The following SUCLA2 variants were observed in gnomAD, a reference collection of about 807,000 sequenced individuals.
SUCLA2 encodes the protein succinate-CoA ligase ADP-forming subunit beta.
SUCLA2 carries 30 observed loss-of-function variants against 54.8 expected under a neutral mutation model. That is an observed-to-expected ratio of 0.55 (90% CI 0.41 to 0.74). The LOEUF (loss-of-function observed/expected upper bound fraction) is 0.74. Among genes scored for constraint, SUCLA2 ranks in the 30% least tolerant of loss-of-function variants. SUCLA2 has a pLI of 0.00. For missense variants in SUCLA2, 476 were observed against 562.9 expected (o/e 0.85, Z 1.56); for synonymous variants, 172 against 188.9 (o/e 0.91, Z 0.74).
Position 47,996,897 on chromosome 13 carries a change from T to C in SUCLA2, c.217A>G (p.Lys73Glu), listed in dbSNP as rs796052048. The change falls in exon 2 of 11, where the codon AAA becomes GAA. Residue 73 changes from lysine (K) to glutamate (E), a missense_variant. By Grantham distance (56) the Lys-to-Glu change is moderately conservative. Coordinates refer to ENST00000646932, the MANE Select transcript of SUCLA2 (RefSeq NM_003850.3). ...LLQEAGVSVP[K>E]GYVAKSPDEA... ...TCTGGTGACTTTGCCACATATCCTT[T>C]GGGAACGGAGACACCAGCTTCTTGC... 43 of 1,613,892 alleles carry C rather than the reference T, an allele frequency of 2.7e-5. No homozygotes were observed. The highest frequency in any genetic ancestry group is 3.6e-5 in the Non-Finnish European group (42 of 1,179,934).
intron 4 of SUCLA2, among the ~76,000 whole-genome samples, chr13:47,976,394 T>C (rs995400870): frequency 1.3e-5 from 2 of 152,030 alleles, no homozygotes; most frequent in African/African-American, 4.8e-5. Context: ...ACTAACATAG[T>C]TTGGGATTAA....
At chr13:47,989,876 A>G (rs1019537793) in intron 2 of SUCLA2, among the ~76,000 whole-genome samples, 1 of 152,262 alleles carries the variant, frequency 6.6e-6, no homozygotes, top group Non-Finnish European at 1.5e-5. Flanking sequence ...ATCTGTATCA[A>G]AAGATTTCAG....
At chr13:47,959,834 A>C (rs770198601) in intron 6 of SUCLA2, among the ~76,000 whole-genome samples, 2 of 152,218 alleles carry the variant, frequency 1.3e-5, no homozygotes, top group Non-Finnish European at 2.9e-5. Flanking sequence ...GAAATGCATC[A>C]GCAATTTAGC....
In SUCLA2 at chr13:47,956,631, G is replaced by T. The variant is rs1285738591; in HGVS notation, c.803-2074C>A. On this transcript the variant is annotated intron_variant, in intron 6 of 10. Coordinates refer to ENST00000646932, the MANE Select transcript of SUCLA2 (RefSeq NM_003850.3). The stretch of plus-strand genomic sequence containing the variant: ...AGAAAGTTCTTCAGGCTCAAGGGAT[G>T]TAACGTGGAAATCTGAATCTAAAGT... Among the ~76,000 whole-genome samples, 5 of 152,208 alleles carry T rather than the reference G, an allele frequency of 3.3e-5. No individual in the cohort carries two copies. In the South Asian group the frequency reaches 1.0e-3, roughly 32 times the overall value.
intron 1 of SUCLA2, among the ~76,000 whole-genome samples, chr13:47,997,492 G>A (rs576764818): frequency 3.3e-5 from 5 of 152,154 alleles, no homozygotes; most frequent in Non-Finnish European, 4.4e-5. Context: ...TTCATCTGTA[G>A]TGGATGTTGC....
chr13:47,975,866 A>G (rs1950007867), intron 4 of SUCLA2, among the ~76,000 whole-genome samples: 1 of 152,202 alleles, frequency 6.6e-6, no homozygotes, highest in South Asian at 2.1e-4. Context: ...CAATGTGATT[A>G]GAGGTTTGGG....
intron 4 of SUCLA2, among the ~76,000 whole-genome samples, chr13:47,977,604 T>C (rs774291703): frequency 4.6e-5 from 7 of 152,066 alleles, no homozygotes; most frequent in Admixed American, 4.6e-4. Flanking sequence ...ACTCCTAGAA[T>C]ACAAGGATGG....
At chr13:47,963,125 T>G (rs1949885638) in intron 6 of SUCLA2, among the ~76,000 whole-genome samples, 1 of 152,200 alleles carries the variant, frequency 6.6e-6, no homozygotes, top group Non-Finnish European at 1.5e-5. Flanking sequence ...AAACCCTTCT[T>G]CTTTGGCAAT....
intron 1 of SUCLA2, among the ~76,000 whole-genome samples, chr13:48,000,137 G>GAAAA (rs10714629): frequency 1.2e-4 from 11 of 94,188 alleles, no homozygotes; most frequent in South Asian, 6.0e-4. Flanking sequence ...CAATAAAAAT[G>GAAAA]AAAAAAAAAA....
chr13:47,980,648 A>AG (rs1264100647), intron 4 of SUCLA2, among the ~76,000 whole-genome samples: 3 of 152,008 alleles, frequency 2.0e-5, no homozygotes, highest in East Asian at 3.8e-4. Context: ...AACAATCTCG[A>AG]GAAAAAAAAA....
intron 4 of SUCLA2, among the ~76,000 whole-genome samples, chr13:47,986,615 C>T (rs757436368): frequency 6.6e-6 from 1 of 152,100 alleles, no homozygotes; most frequent in Non-Finnish European, 1.5e-5. Context: ...TGAATCTTTG[C>T]CCGCGCCTAT....
At position 47,988,536 on chromosome 13, in the gene SUCLA2, C is replaced by T. The variant is rs1301467058; in HGVS notation, c.534+5G>A. The T allele has an allele frequency of 1.2e-6, 2 of 1,613,468 alleles. No individual in the cohort carries two copies. Among genetic ancestry groups the T allele is most frequent in the African/African-American group, 1.3e-5 (1 of 74,920 alleles). ...CCCGTATGTATCATGTCTACAATTA[C>T]TCACTTGAAATGACCTTTCCATTGT... On this transcript the variant is annotated splice_donor_5th_base_variant and intron_variant, in intron 4 of 10. Transcript: ENST00000646932.
chr13:47,972,486 A>G (rs970136567), intron 5 of SUCLA2, among the ~76,000 whole-genome samples: 36 of 151,698 alleles, frequency 2.4e-4, no homozygotes, highest in Non-Finnish European at 2.9e-5. Flanking sequence ...CTGATCAACA[A>G]GATGAAACTC....
Position 47,943,250 on chromosome 13 carries a change from G to A in SUCLA2, c.*121C>T. 5.2e-6 allele frequency: 5 copies of A among 957,286 alleles called. No individual in the cohort carries two copies. The South Asian group carries it at 6.5e-5, about 12-fold the overall frequency. The allele number at this position is 957,286 out of a possible 1,614,324, so 59.3% of individuals were successfully genotyped here. A position where few individuals can be genotyped will look rare whatever the true frequency, so the allele number is the denominator to read the frequency against. ...AGTCCAAATCCTTTTAAATGTTTGT[G>A]TGCCTAGATGGCAATTACAATCTCC... On this transcript the variant is annotated 3_prime_UTR_variant, in exon 11 of 11. Coordinates refer to ENST00000646932, the MANE Select transcript of SUCLA2 (RefSeq NM_003850.3).
intron 5 of SUCLA2, chr13:47,971,550 T>C: frequency 3.9e-6 from 1 of 258,242 alleles, no homozygotes; most frequent in Non-Finnish European, 7.3e-6. Flanking sequence ...ATGGGGGCTT[T>C]TTTTTAGTGG....
intron 2 of SUCLA2, among the ~76,000 whole-genome samples, chr13:47,992,525 C>T (rs1016833770): frequency 2.6e-5 from 4 of 152,092 alleles, no homozygotes; most frequent in African/African-American, 7.2e-5. Context: ...ATTCACTCAA[C>T]AGGTTCATCT....
At position 47,964,583 on chromosome 13, in the gene SUCLA2, C is replaced by T. The variant is rs557551673; in HGVS notation, c.802+4012G>A. Among the ~76,000 whole-genome samples, 12 of 152,268 alleles carry T rather than the reference C, an allele frequency of 7.9e-5. No homozygotes were observed. In the South Asian group the frequency reaches 1.5e-3, roughly 18 times the overall value. ...AATAAGATGTCATCATTGGGCCAGG[C>T]GTGGTGGCTCAAGCCTGTAATCCCA... On this transcript the variant is annotated intron_variant, in intron 6 of 10. Coordinates refer to ENST00000646932, the MANE Select transcript of SUCLA2 (RefSeq NM_003850.3).
At chr13:47,959,535 A>C in intron 6 of SUCLA2, among the ~76,000 whole-genome samples, 1 of 139,858 alleles carries the variant, frequency 7.2e-6, no homozygotes, top group East Asian at 2.2e-4. Flanking sequence ...GGAGGAGGAA[A>C]ATCTGGGACT....
Position 47,954,483 on chromosome 13 carries a change from C to A in SUCLA2, c.877G>T (p.Asp293Tyr), listed in dbSNP as rs780015453. The A allele has an allele frequency of 3.2e-5, 51 of 1,613,802 alleles. No individual in the cohort carries two copies. The highest frequency in any genetic ancestry group is 1.1e-5 in the South Asian group (1 of 91,078). Reference protein sequence around the residue: ...YRQKKIFDLQDWTQEDERDKD... With the variant: ...YRQKKIFDLQYWTQEDERDKD... ...TCCCTTTCATCTTCCTGGGTCCAGTCCTGTAGATCAAAGATTTTCTTTTGG... is the reference window on the plus strand; with the variant it reads ...TCCCTTTCATCTTCCTGGGTCCAGTACTGTAGATCAAAGATTTTCTTTTGG... The change falls in exon 7 of 11, where the codon GAC (aspartate) becomes TAC (tyrosine). Residue 293 changes from aspartate to tyrosine, a missense_variant. Asp to Tyr is a radical substitution (Grantham distance 160). This residue lies in a region of SUCLA2 where 342 missense variants were observed against 444.2 expected (regional missense o/e 0.77). Coordinates refer to ENST00000646932, the MANE Select transcript of SUCLA2 (RefSeq NM_003850.3).
Sources: gnomAD v4.1 joint callset for allele counts (sites outside exome capture counted in the v4.1 genomes callset) on GRCh38, gnomAD v4.1.1 for gene constraint, gnomAD v4.1.1 regional missense constraint, MANE v1.5 for transcripts, NCBI Gene and HGNC (gene_info 2026-07-23, HGNC 2026-07-21) for gene names.